The following ANP32E variants were observed in gnomAD, a reference collection of about 807,000 sequenced individuals.
The protein encoded by ANP32E is acidic leucine-rich nuclear phosphoprotein 32 family member E.
In ANP32E, 14 loss-of-function variants were observed where a neutral mutation model predicts 35.3. The ratio of observed to expected loss-of-function variants is 0.40; its 90% confidence interval spans 0.26 to 0.62. The LOEUF (loss-of-function observed/expected upper bound fraction) is 0.62. ANP32E is among the 20% of genes least tolerant of loss of function. The pLI, the probability that ANP32E is intolerant of heterozygous loss-of-function variation, is 0.45. For synonymous variants in ANP32E, 89 were observed against 110.4 expected, an observed-to-expected ratio of 0.81 and a Z score of 1.22; for missense variants, 198 against 304.4, an observed-to-expected ratio of 0.65 and a Z score of 2.60.
intron 5 of ANP32E, among the ~76,000 whole-genome samples, chr1:150,225,193 T>G (rs1553839444): frequency 6.6e-6 from 1 of 152,226 alleles, no homozygotes; most frequent in Non-Finnish European, 1.5e-5. Flanking sequence ...AGTACATGCA[T>G]ATGTAAAATT....
At chr1:150,226,565 C>T (rs1648890017) in intron 5 of ANP32E, 43 bp downstream of exon 5, 2 of 1,603,158 alleles carry the variant, frequency 1.2e-6, no homozygotes, top group Non-Finnish European at 8.5e-7. Context: ...TACTCCTATG[C>T]CTAGAAATTA....
chr1:150,230,810 C>T (rs587663146), intron 2 of ANP32E, 117 bp from the exon 3 acceptor site: 105 of 882,702 alleles, frequency 1.2e-4, no homozygotes, highest in Non-Finnish European at 1.5e-4. Flanking sequence ...GGTGCGATCT[C>T]CACTCACTGC....
chr1:150,227,349 G>A (rs1439157393), intron 4 of ANP32E, among the ~76,000 whole-genome samples: 1 of 152,042 alleles, frequency 6.6e-6, no homozygotes, highest in African/African-American at 2.4e-5. Flanking sequence ...ACCAACCTAG[G>A]TGCCCATCAA....
At chr1:150,228,961 T>C (rs1248665823) in intron 4 of ANP32E, 111 bp downstream of exon 4, 3 of 910,716 alleles carry the variant, frequency 3.3e-6, no homozygotes, top group African/African-American at 3.4e-5. Context: ...CTTACTAATA[T>C]CTTGTTGTGG....
At chr1:150,227,688 T>A (rs779363476) in intron 4 of ANP32E, among the ~76,000 whole-genome samples, 3 of 151,246 alleles carry the variant, frequency 2.0e-5, no homozygotes, top group African/African-American at 7.3e-5. Flanking sequence ...CTCAGCATCA[T>A]GCAATACACC....
At position 150,220,390 on chromosome 1, in the gene ANP32E, T is replaced by C. The variant is rs587767203; in HGVS notation, c.*301A>G. 1.8e-5 allele frequency: 5 copies of C among 272,140 alleles called. No individual in the cohort carries two copies. The South Asian group carries it at 2.3e-4, about 13-fold the overall frequency. 16.9% of individuals were successfully genotyped at this position (272,140 alleles called of 1,614,324 possible). A position where few individuals can be genotyped will look rare whatever the true frequency, so the allele number is the denominator to read the frequency against. On this transcript the variant is annotated 3_prime_UTR_variant, in exon 7 of 7. Coordinates refer to ENST00000583931, the MANE Select transcript of ANP32E (RefSeq NM_030920.5). ...TACTACACCTGTGTAAAAGTGATCATGTTTTAATTATGGGCTAAAAATGAC... is the reference window on the plus strand; with the variant it reads ...TACTACACCTGTGTAAAAGTGATCACGTTTTAATTATGGGCTAAAAATGAC...
chr1:150,221,511 GGAAA>G, intron 6 of ANP32E, among the ~76,000 whole-genome samples: 2 of 117,388 alleles, frequency 1.7e-5, no homozygotes, highest in African/African-American at 3.4e-5. Context: ...GAGGGAGGGA[GGAAA>G]GGAAGGAGAG....
chr1:150,220,568 C>T lies in ANP32E; in HGVS notation c.*123G>A. On this transcript the variant is annotated 3_prime_UTR_variant, in exon 7 of 7. Transcript: ENST00000583931. ...TGATAAGGCAAAAATAGTAAAACCA[C>T]ACTTTTCCTATAAAAAGTTACACAT... 3.3e-6 allele frequency: 3 copies of T among 909,788 alleles called. No individual in the cohort carries two copies. The highest frequency in any genetic ancestry group is 5.1e-6 in the Non-Finnish European group (3 of 588,944). 56.4% of individuals were successfully genotyped at this position (909,788 alleles called of 1,614,324 possible).
At position 150,226,623 on chromosome 1, in the gene ANP32E, C is replaced by T; in HGVS notation, c.666G>A (p.Met222Ile). ...GTGTATTCACCTGAATTTCTTCTTT[C>T]ATTAAGTATGAGAGGCCCACTTCCT... is the stretch of plus-strand genomic sequence containing the variant. ...GEEEVGLSYL[M>I]KEEIQDEEDD... Residue 222 changes from methionine (M) to isoleucine (I), a missense_variant, in exon 5 of 7, where the codon ATG becomes ATA. Met to Ile is a conservative substitution (Grantham distance 10). Around this residue, in one of 4 missense-constraint regions of ANP32E, gnomAD observed 121 missense variants for 137.3 expected, o/e 0.88. Transcript: ENST00000583931. The T allele has an allele frequency of 6.2e-7, 1 of 1,613,468 alleles. No homozygotes were observed. The highest frequency in any genetic ancestry group is 8.5e-7 in the Non-Finnish European group (1 of 1,179,882).
At chr1:150,229,769 C>T (rs1237825317) in intron 3 of ANP32E, among the ~76,000 whole-genome samples, 3 of 152,074 alleles carry the variant, frequency 2.0e-5, no homozygotes, top group South Asian at 2.1e-4. Context: ...TGAGCCACCG[C>T]GCCCGGCCTA....
rs782114087 is a variant in ANP32E at position 150,231,748 on chromosome 1, CATG to C, written c.204+26_204+28del. The C allele has an allele frequency of 1.9e-6, 3 of 1,595,174 alleles. No homozygotes were observed. In the East Asian group the frequency reaches 6.7e-5, roughly 36 times the overall value. On this transcript the variant is annotated intron_variant, in intron 2 of 6. Coordinates refer to ENST00000583931, the MANE Select transcript of ANP32E (RefSeq NM_030920.5). ...AGACATATAGCCGTGGCATTGAAAT[CATG>C]ATGCTTCACGTAAATGCCAACTTAC...
At chr1:150,234,260 T>A (rs1553842644) in intron 1 of ANP32E, among the ~76,000 whole-genome samples, 1 of 151,156 alleles carries the variant, frequency 6.6e-6, no homozygotes, top group Non-Finnish European at 1.5e-5. Context: ...ATTCTAAACG[T>A]GTGCTTGTGA....
At chr1:150,232,339 G>A (rs1649419023) in intron 1 of ANP32E, among the ~76,000 whole-genome samples, 1 of 6,716 alleles carries the variant, frequency 1.5e-4, no homozygotes, top group African/African-American at 7.3e-4. Context: ...GGGAGACTCC[G>A]TCTCAAAAAA....
At chr1:150,229,621 G>A (rs2101784588) in intron 3 of ANP32E, among the ~76,000 whole-genome samples, 1 of 152,342 alleles carries the variant, frequency 6.6e-6, no homozygotes, top group African/African-American at 2.4e-5. Context: ...TGGGATTACA[G>A]GCATGCGCCT....
chr1:150,232,133 A>G (rs1349385153), intron 1 of ANP32E, among the ~76,000 whole-genome samples: 2 of 151,780 alleles, frequency 1.3e-5, no homozygotes, highest in Admixed American at 6.6e-5. Context: ...TCACGAGGTC[A>G]GGAGATCGAG....
chr1:150,223,453 GGCA>G (rs1364713641), intron 5 of ANP32E, among the ~76,000 whole-genome samples: 2 of 152,014 alleles, frequency 1.3e-5, no homozygotes, highest in African/African-American at 4.8e-5. Flanking sequence ...GGCCAAGGCG[GGCA>G]GATGACCTGA....
Position 150,235,634 on chromosome 1 carries a change from C to A in ANP32E, c.54+99G>T. The stretch of plus-strand genomic sequence containing the variant: ...CCTAACCCGGGGGGATGGGGGCTAA[C>A]TTATTACTCCATCCCCGCACACCCA... On this transcript the variant is annotated intron_variant, in intron 1 of 6. Coordinates refer to ENST00000583931, the MANE Select transcript of ANP32E (RefSeq NM_030920.5). The surrounding 1 kb of genome is among the most constrained non-coding windows in gnomAD (Gnocchi z 4.2). 1.5e-6 allele frequency: 2 copies of A among 1,376,790 alleles called. No homozygotes were observed. The highest frequency in any genetic ancestry group is 2.0e-6 in the Non-Finnish European group (2 of 984,428). The allele number at this position is 1,376,790 out of a possible 1,614,324, so 85.3% of individuals were successfully genotyped here.
At chr1:150,234,881 C>T (rs1232968099) in intron 1 of ANP32E, among the ~76,000 whole-genome samples, 1 of 152,194 alleles carries the variant, frequency 6.6e-6, no homozygotes, top group Non-Finnish European at 1.5e-5. Flanking sequence ...CTCTTTAAGG[C>T]GACAGCAGTG....
At chr1:150,232,963 G>A (rs1649483549) in intron 1 of ANP32E, among the ~76,000 whole-genome samples, 2 of 151,886 alleles carry the variant, frequency 1.3e-5, no homozygotes, top group African/African-American at 4.8e-5. Flanking sequence ...CAAGTGAGCT[G>A]CCCTAAAACC....
Sources: gnomAD v4.1 joint callset for allele counts (sites outside exome capture counted in the v4.1 genomes callset) on GRCh38, gnomAD v4.1.1 for gene constraint, gnomAD v4.1.1 regional missense constraint, Gnocchi (gnomAD v3.1) non-coding constraint, MANE v1.5 for transcripts, NCBI Gene and HGNC (gene_info 2026-07-23, HGNC 2026-07-21) for gene names.